The following CATSPERT variants were observed in gnomAD, a reference collection of about 807,000 sequenced individuals.
CATSPERT encodes the protein catsper channel auxiliary subunit tau.
the CATSPERT span, chr2:201,603,167 G>T: frequency 1.2e-4 from 189 of 1,526,632 alleles, no homozygotes; most frequent in Non-Finnish European, 1.7e-4. Flanking sequence ...TGCAGCAATG[G>T]ATAACTGAAA....
the CATSPERT span, among the ~76,000 whole-genome samples, chr2:201,571,370 T>C: frequency 6.6e-6 from 1 of 152,220 alleles, no homozygotes; most frequent in Non-Finnish European, 1.5e-5. Flanking sequence ...ACACCATAGA[T>C]TAAATCTCTT....
the CATSPERT span, among the ~76,000 whole-genome samples, chr2:201,615,832 A>G: frequency 6.6e-6 from 1 of 152,232 alleles, no homozygotes; most frequent in African/African-American, 2.4e-5. Context: ...AGAAGAAAAG[A>G]GAGAAGAATC....
chr2:201,525,698 T>C, the CATSPERT span, among the ~76,000 whole-genome samples: 1 of 151,884 alleles, frequency 6.6e-6, no homozygotes, highest in Admixed American at 6.5e-5. Flanking sequence ...TTTGAAAATA[T>C]AAATAAGATT....
chr2:201,521,535 A>C, the CATSPERT span, among the ~76,000 whole-genome samples: 2 of 152,160 alleles, frequency 1.3e-5, no homozygotes, highest in Admixed American at 1.3e-4. Flanking sequence ...GAACAGCAAG[A>C]GAGAAATCCT....
the CATSPERT span, among the ~76,000 whole-genome samples, chr2:201,562,375 G>A: frequency 6.6e-6 from 1 of 150,888 alleles, no homozygotes; most frequent in Non-Finnish European, 1.5e-5. Flanking sequence ...TTTTAGTAGA[G>A]ATGGGGTTTC....
At chr2:201,535,171 G>A in the CATSPERT span, 3 of 984,332 alleles carry the variant, frequency 3.0e-6, no homozygotes, top group Non-Finnish European at 3.6e-6. Flanking sequence ...TATGTCTTTT[G>A]AAATTTGGGA....
the CATSPERT span, among the ~76,000 whole-genome samples, chr2:201,556,366 A>G: frequency 6.6e-6 from 1 of 152,092 alleles, no homozygotes; most frequent in African/African-American, 2.4e-5. Flanking sequence ...AAAATTAGCC[A>G]GGGGTGGTGG....
chr2:201,524,108 A>G, the CATSPERT span, among the ~76,000 whole-genome samples: 3 of 152,124 alleles, frequency 2.0e-5, no homozygotes, highest in African/African-American at 7.2e-5. Flanking sequence ...CCCATCCCCA[A>G]GACATATAGT....
chr2:201,583,782 A>G, the CATSPERT span, among the ~76,000 whole-genome samples: 1 of 152,154 alleles, frequency 6.6e-6, no homozygotes, highest in East Asian at 1.9e-4. Context: ...GCCACAAATG[A>G]GAAGAGCAAA....
At chr2:201,526,467 G>A in the CATSPERT span, among the ~76,000 whole-genome samples, 1 of 152,076 alleles carries the variant, frequency 6.6e-6, no homozygotes, top group South Asian at 2.1e-4. Flanking sequence ...GCAGTGATCC[G>A]AGATCACGCC....
At chr2:201,511,255 C>T in the CATSPERT span, among the ~76,000 whole-genome samples, 1 of 152,130 alleles carries the variant, frequency 6.6e-6, no homozygotes, top group East Asian at 1.9e-4. Context: ...ACCCTCTGAT[C>T]CAACGATTCT....
chr2:201,498,341 A>G, the CATSPERT span, among the ~76,000 whole-genome samples: 1 of 152,136 alleles, frequency 6.6e-6, no homozygotes, highest in African/African-American at 2.4e-5. Context: ...CCAGAGTCCA[A>G]AGGCCGAAAA....
the CATSPERT span, among the ~76,000 whole-genome samples, chr2:201,537,811 A>G: frequency 6.6e-6 from 1 of 152,024 alleles, no homozygotes; most frequent in African/African-American, 2.4e-5. Flanking sequence ...ATAAAGGCAT[A>G]TGAAATCAGA....
the CATSPERT span, chr2:201,492,725 TCA>T: frequency 6.5e-7 from 1 of 1,535,556 alleles, no homozygotes. Context: ...ATGATTTCTT[TCA>T]CAGTTTCAGA....
At chr2:201,590,501 A>G in the CATSPERT span, among the ~76,000 whole-genome samples, 1 of 151,918 alleles carries the variant, frequency 6.6e-6, no homozygotes, top group Non-Finnish European at 1.5e-5. Flanking sequence ...GTATATACCC[A>G]GTAATGGGAT....
the CATSPERT span, among the ~76,000 whole-genome samples, chr2:201,517,208 G>A: frequency 2.0e-5 from 3 of 152,038 alleles, no homozygotes; most frequent in South Asian, 4.2e-4. Flanking sequence ...AAGGGAGAGT[G>A]AGCAACAAAC....
the CATSPERT span, among the ~76,000 whole-genome samples, chr2:201,618,383 A>C: frequency 3.9e-5 from 6 of 152,120 alleles, no homozygotes; most frequent in Non-Finnish European, 7.4e-5. Context: ...GCAGCCATAT[A>C]AAAAGGATGA....
the CATSPERT span, among the ~76,000 whole-genome samples, chr2:201,603,662 A>G: frequency 1.3e-5 from 2 of 152,244 alleles, no homozygotes; most frequent in Admixed American, 1.3e-4. Flanking sequence ...TCTTTTATCC[A>G]GTGTCCTAAG....
chr2:201,567,128 G>A, the CATSPERT span, among the ~76,000 whole-genome samples: 1 of 152,104 alleles, frequency 6.6e-6, no homozygotes, highest in African/African-American at 2.4e-5. Flanking sequence ...TAGAACTCAC[G>A]ATTTTCCCCT....
Sources: allele counts gnomAD v4.1 joint callset (sites outside exome capture counted in the v4.1 genomes callset), GRCh38; gene constraint gnomAD v4.1.1; transcripts MANE v1.5; gene names NCBI Gene and HGNC (gene_info 2026-07-23, HGNC 2026-07-21).